YIPF1: variants seen among roughly 807,000 people sequenced by gnomAD.
YIPF1 encodes the protein protein YIPF1.
YIPF1 carries 22 observed loss-of-function variants against 37.0 expected under a neutral mutation model. That is an observed-to-expected ratio of 0.59 (90% confidence interval 0.42 to 0.85). YIPF1 has a LOEUF of 0.85. Among genes scored for constraint, YIPF1 ranks in the 40% least tolerant of loss-of-function variants. The pLI, the probability that YIPF1 is intolerant of heterozygous loss-of-function variation, is 0.00. For synonymous variants in YIPF1, 128 were observed against 131.9 expected (o/e 0.97, Z 0.21); for missense variants, 355 against 373.1 (o/e 0.95, Z 0.40).
chr1:53,878,188 A>G (rs1295482408), intron 6 of YIPF1, 127 bp downstream of exon 6: 3 of 867,772 alleles, frequency 3.5e-6, no homozygotes, highest in Non-Finnish European at 5.5e-6. Flanking sequence ...GTTGCTACTG[A>G]AGTTCAGAAA....
At chr1:53,861,518 A>C (rs892571199) in intron 9 of YIPF1, among the ~76,000 whole-genome samples, 1 of 152,092 alleles carries the variant, frequency 6.6e-6, no homozygotes, top group African/African-American at 2.4e-5. Flanking sequence ...TCTGATCTAT[A>C]AAATTAAAGG....
intron 6 of YIPF1, among the ~76,000 whole-genome samples, chr1:53,875,390 C>T (rs1381694470): frequency 2.6e-5 from 4 of 152,248 alleles, no homozygotes; most frequent in South Asian, 2.1e-4. Context: ...TGGCACATGC[C>T]TGTAGTCCCA....
chr1:53,872,005 AGTGTGT>A (rs56411256), intron 6 of YIPF1, among the ~76,000 whole-genome samples: 5 of 144,050 alleles, frequency 3.5e-5, no homozygotes, highest in African/African-American at 7.7e-5. Flanking sequence ...GTTGAGTGTC[AGTGTGT>A]GTGTGTGTGT....
chr1:53,859,085 A>G (rs1462823313), intron 10 of YIPF1, among the ~76,000 whole-genome samples: 1 of 152,226 alleles, frequency 6.6e-6, no homozygotes, highest in Non-Finnish European at 1.5e-5. Flanking sequence ...TCATGTGCAG[A>G]GTGTGGCTTC....
At chr1:53,885,106 G>A (rs1006237401) in intron 3 of YIPF1, among the ~76,000 whole-genome samples, 2 of 152,194 alleles carry the variant, frequency 1.3e-5, no homozygotes, top group Admixed American at 1.3e-4. Flanking sequence ...CCATGACCTT[G>A]AGCAAATTAC....
intron 9 of YIPF1, among the ~76,000 whole-genome samples, chr1:53,863,490 C>T (rs1286245595): frequency 6.6e-6 from 1 of 152,098 alleles, no homozygotes; most frequent in Non-Finnish European, 1.5e-5. Flanking sequence ...CTCACAAAAC[C>T]CCAAGAAAAC....
At chr1:53,859,909 A>G (rs932918081) in intron 10 of YIPF1, 147 bp downstream of exon 10, 1 of 670,092 alleles carries the variant, frequency 1.5e-6, no homozygotes, top group Non-Finnish European at 2.5e-6. Context: ...ACAGAAACAC[A>G]GACATGCACA....
chr1:53,881,956 A>G (rs921097226), intron 4 of YIPF1, among the ~76,000 whole-genome samples: 1 of 152,240 alleles, frequency 6.6e-6, no homozygotes, highest in Non-Finnish European at 1.5e-5. Flanking sequence ...TACGGAATCA[A>G]CCTAAATGCC....
intron 7 of YIPF1, 135 bp downstream of exon 7, chr1:53,871,237 G>T: frequency 1.5e-6 from 1 of 674,432 alleles, no homozygotes; most frequent in Non-Finnish European, 2.6e-6. Flanking sequence ...CTACACATTT[G>T]AGTAGATACA....
intron 9 of YIPF1, among the ~76,000 whole-genome samples, chr1:53,865,961 C>G (rs1348930414): frequency 6.6e-6 from 1 of 151,976 alleles, no homozygotes; most frequent in African/African-American, 2.4e-5. Flanking sequence ...GCCACGATGC[C>G]CAGCTAATTT....
chr1:53,888,861 A>C (rs1407639424), intron 3 of YIPF1, 46 bp downstream of exon 3: 6 of 1,526,604 alleles, frequency 3.9e-6, no homozygotes, highest in Middle Eastern at 1.7e-4. Context: ...CTGTGACTGT[A>C]GCAACAGTGA....
chr1:53,882,758 T>C (rs1302945936), intron 4 of YIPF1, among the ~76,000 whole-genome samples: 2 of 147,840 alleles, frequency 1.4e-5, no homozygotes, highest in African/African-American at 5.1e-5. Context: ...CACGCCTGGC[T>C]CCAAGTGTTA....
chr1:53,866,186 G>A lies in YIPF1; in HGVS notation c.831+14C>T, dbSNP rs370333454. On this transcript the variant is annotated intron_variant, in intron 9 of 10. Transcript: ENST00000072644. The stretch of plus-strand genomic sequence containing the variant: ...TATAAAACACACCAAAAGAATATAC[G>A]ACTGAACCCATACCAAGCAGCCCAC... 11 of 1,612,296 alleles carry A rather than the reference G, an allele frequency of 6.8e-6. No individual in the cohort carries two copies. The highest frequency in any genetic ancestry group is 9.3e-6 in the Non-Finnish European group (11 of 1,179,066).
chr1:53,875,674 A>T (rs1484923565), intron 6 of YIPF1, among the ~76,000 whole-genome samples: 2 of 152,068 alleles, frequency 1.3e-5, no homozygotes, highest in Non-Finnish European at 2.9e-5. Context: ...GTTCACTCTC[A>T]TCCAGTCGCA....
In YIPF1 at chr1:53,889,265, G is replaced by A. The variant is rs901205834; in HGVS notation, c.-71C>T. The A allele has an allele frequency of 1.2e-5, 3 of 250,442 alleles. No individual in the cohort carries two copies. Among genetic ancestry groups the A allele is most frequent in the Non-Finnish European group, 2.4e-5 (3 of 126,348 alleles). 15.5% of individuals were successfully genotyped at this position (250,442 alleles called of 1,614,324 possible). On this transcript the variant is annotated 5_prime_UTR_variant, in exon 2 of 11. Transcript: ENST00000072644. Reference sequence around the variant, plus strand: ...TCACTGTGTGAATGTTTAGAGAGCAGGTGCAGCCTAGAGATGTAACGATGA... The same window carrying A: ...TCACTGTGTGAATGTTTAGAGAGCAAGTGCAGCCTAGAGATGTAACGATGA...
At chr1:53,858,020 GT>G (rs1193922252) in intron 10 of YIPF1, among the ~76,000 whole-genome samples, 15 of 150,516 alleles carry the variant, frequency 1.0e-4, no homozygotes, top group Non-Finnish European at 2.1e-4. Context: ...CAAATGGAAT[GT>G]GATAGACACA....
chr1:53,867,367 CTTTTTTTTTT>C (rs57424528), intron 7 of YIPF1, among the ~76,000 whole-genome samples: 31 of 111,594 alleles, frequency 2.8e-4, no homozygotes, highest in African/African-American at 1.0e-3. Flanking sequence ...CACTGACTTC[CTTTTTTTTTT>C]TTTTTTTTTT....
chr1:53,885,411 G>C (rs914228213), intron 3 of YIPF1, among the ~76,000 whole-genome samples: 1 of 152,188 alleles, frequency 6.6e-6, no homozygotes, highest in Non-Finnish European at 1.5e-5. Context: ...GGGACGCTGA[G>C]GCAGGAGAAT....
chr1:53,872,029 T>C (rs928103185), intron 6 of YIPF1, among the ~76,000 whole-genome samples: 3 of 148,350 alleles, frequency 2.0e-5, no homozygotes, highest in South Asian at 2.2e-4. Flanking sequence ...TGTGTGTGTG[T>C]GCTTAAGGCT....
Sources: gnomAD v4.1 joint callset for allele counts (sites outside exome capture counted in the v4.1 genomes callset) on GRCh38, gnomAD v4.1.1 for gene constraint, MANE v1.5 for transcripts, NCBI Gene and HGNC (gene_info 2026-07-23, HGNC 2026-07-21) for gene names.